ADCY3: variants seen among roughly 807,000 people sequenced by gnomAD.
ADCY3 encodes the protein adenylate cyclase type 3.
ADCY3 carries 70 observed loss-of-function variants against 119.4 expected under a neutral mutation model. The observed-to-expected ratio is 0.59, with a 90% CI of 0.48 to 0.72. The LOEUF (loss-of-function observed/expected upper bound fraction) is 0.72. Among genes scored for constraint, ADCY3 ranks in the 30% least tolerant of loss-of-function variants. The pLI, the probability that ADCY3 is intolerant of heterozygous loss-of-function variation, is 0.00. For missense variants in ADCY3, 1,238 were observed against 1,541.6 expected, an observed-to-expected ratio of 0.80 and a Z score of 3.30; for synonymous variants, 672 against 621.4, an observed-to-expected ratio of 1.08 and a Z score of -1.21.
At chr2:24,914,448 G>A (rs912498896) in intron 2 of ADCY3, among the ~76,000 whole-genome samples, 5 of 152,134 alleles carry the variant, frequency 3.3e-5, no homozygotes, top group African/African-American at 9.7e-5. Flanking sequence ...TAAGGCAGGC[G>A]GATTATCTGA....
chr2:24,846,108 C>T (rs769469654), intron 3 of ADCY3, among the ~76,000 whole-genome samples: 12 of 152,230 alleles, frequency 7.9e-5, no homozygotes, highest in Non-Finnish European at 1.6e-4. Context: ...TCATGGAGAA[C>T]CCCTGCTAGG....
chr2:24,893,597 C>A (rs1415441829), intron 2 of ADCY3, among the ~76,000 whole-genome samples: 1 of 130,582 alleles, frequency 7.7e-6, no homozygotes, highest in Non-Finnish European at 1.5e-5. Context: ...CTGCACAATA[C>A]CTGTCTTTTT....
intron 13 of ADCY3, 69 bp downstream of exon 13, chr2:24,830,640 T>C: frequency 8.0e-7 from 1 of 1,254,642 alleles, no homozygotes; most frequent in East Asian, 2.4e-5. Flanking sequence ...ACTGCTTGTG[T>C]GACCCAAACA....
chr2:24,830,868 C>A (rs1669394494), intron 12 of ADCY3, 43 bp from the exon 13 acceptor site: 1 of 1,508,718 alleles, frequency 6.6e-7, no homozygotes, highest in Admixed American at 1.7e-5. Context: ...CTTTGCCAGT[C>A]CTTTCTCCTG....
chr2:24,841,189 C>A lies in ADCY3; in HGVS notation c.1196+70G>T. 1 of 1,476,100 alleles carries A rather than the reference C, an allele frequency of 6.8e-7. No homozygotes were observed. The highest frequency in any genetic ancestry group is 9.0e-7 in the Non-Finnish European group (1 of 1,110,972). The allele number at this position is 1,476,100 out of a possible 1,614,324, so 91.4% of individuals were successfully genotyped here. A position where few individuals can be genotyped will look rare whatever the true frequency, so the allele number is the denominator to read the frequency against. ...AGGGGCCATGGCCAGCGCGGAAGAC[C>A]TGCTTCTCCCTGGGTCCAGGGCCGG... On this transcript the variant is annotated intron_variant, in intron 6 of 21. Transcript: ENST00000679454. This position sits in a 1 kb window ranked among gnomAD's most constrained non-coding sequence, Gnocchi z 5.8.
chr2:24,836,029 C>G (rs1670285767), intron 9 of ADCY3, among the ~76,000 whole-genome samples: 1 of 152,046 alleles, frequency 6.6e-6, no homozygotes, highest in Non-Finnish European at 1.5e-5. Context: ...CCAGCCACAT[C>G]TTCCCCTTCT....
chr2:24,839,746 C>T (rs1670772225), intron 7 of ADCY3, 127 bp downstream of exon 7: 1 of 1,347,868 alleles, frequency 7.4e-7, no homozygotes, highest in Non-Finnish European at 1.0e-6. Context: ...AGGAGGAATG[C>T]TGTTCCGGGG....
intron 3 of ADCY3, among the ~76,000 whole-genome samples, chr2:24,856,219 G>A (rs1672982667): frequency 6.6e-6 from 1 of 152,174 alleles, no homozygotes; most frequent in Non-Finnish European, 1.5e-5. Flanking sequence ...GCTTGCACAT[G>A]TACACACATG....
In ADCY3 at chr2:24,824,085, C is replaced by A. The variant is rs79719175; in HGVS notation, c.2736+293G>T. ...GGGTACCGTAGAGCTGGGAACCACT[C>A]TGTTTGGAGAAGTTCACAGGCAACA... On this transcript the variant is annotated intron_variant, in intron 17 of 21. Transcript: ENST00000679454. Among the ~76,000 whole-genome samples the A allele has an allele frequency of 5.7e-3, 875 of 152,374 alleles. 3 individuals carry two copies. Among genetic ancestry groups the A allele is most frequent in the East Asian group, 0.013 (68 of 5,186 alleles).
chr2:24,873,603 C>A (rs919308332), intron 2 of ADCY3, among the ~76,000 whole-genome samples: 3 of 152,242 alleles, frequency 2.0e-5, no homozygotes, highest in Non-Finnish European at 4.4e-5. Flanking sequence ...ACATCCCAAC[C>A]CTGCCTGGCG....
Position 24,918,201 on chromosome 2 carries a change from C to G in ADCY3, c.675+112G>C. On this transcript the variant is annotated intron_variant, in intron 2 of 21. Transcript: ENST00000679454. This position sits in a 1 kb window ranked among gnomAD's most constrained non-coding sequence, Gnocchi z 5.4. ...GGGAGAGAGGTGAGAGCCCCGGAGG[C>G]CCCCAGGACACATTTTGACTCAAAG... The G allele has an allele frequency of 8.3e-7, 1 of 1,211,262 alleles. No homozygotes were observed. The highest frequency in any genetic ancestry group is 1.1e-6 in the Non-Finnish European group (1 of 870,152). The allele number at this position is 1,211,262 out of a possible 1,614,324, so 75.0% of individuals were successfully genotyped here.
In ADCY3 at chr2:24,842,287, T is replaced by C. The variant is rs1188653465; in HGVS notation, c.923A>G (p.Asn308Ser). Residue 308 changes from asparagine (N) to serine (S), a missense_variant, in exon 4 of 22, where the codon AAC becomes AGC. By Grantham distance (46) the Asn-to-Ser change is conservative (BLOSUM62 1). Around this residue, in one of 7 missense-constraint regions of ADCY3, gnomAD observed 283 missense variants for 437.2 expected, o/e 0.65. Coordinates refer to ENST00000679454, the MANE Select transcript of ADCY3 (RefSeq NM_004036.5). The surrounding 1 kb of genome is among the most constrained non-coding windows in gnomAD (Gnocchi z 4.9). Reference sequence around the variant, plus strand: ...CTCGTGACGGTACATGTACATGGTGTTGAACTGCTGCTGGTCCTTCTGGCT... The same window carrying C: ...CTCGTGACGGTACATGTACATGGTGCTGAACTGCTGCTGGTCCTTCTGGCT... Reference protein sequence around the residue: ...DESQKDQQQFNTMYMYRHENV... With the variant: ...DESQKDQQQFSTMYMYRHENV... 3.1e-6 allele frequency: 5 copies of C among 1,614,158 alleles called. No homozygotes were observed. The highest frequency in any genetic ancestry group is 1.7e-5 in the Admixed American group (1 of 60,028).
chr2:24,830,888 T>A, intron 12 of ADCY3, 63 bp from the exon 13 acceptor site: 1 of 1,296,802 alleles, frequency 7.7e-7, no homozygotes, highest in Non-Finnish European at 1.1e-6. Flanking sequence ...GCGACGTGAC[T>A]GACAGCAACT....
In ADCY3 at chr2:24,841,296, A is replaced by T; in HGVS notation, c.1159T>A (p.Ser387Thr). The change falls in exon 6 of 22, where the codon TCC (serine) becomes ACC (threonine). Residue 387 changes from serine (S) to threonine (T), a missense_variant. This residue lies in a region of ADCY3 where 283 missense variants were observed against 437.2 expected (regional missense o/e 0.65). Coordinates refer to ENST00000679454, the MANE Select transcript of ADCY3 (RefSeq NM_004036.5). This position sits in a 1 kb window ranked among gnomAD's most constrained non-coding sequence, Gnocchi z 5.8. ...PDYREDHAVC[S>T]ILMGLAMVEA... ...ACCATGGCCAGCCCCATGAGGATGG[A>T]GCAGACGGCGTGGTCCTCCCGGTAG... 6.4e-7 allele frequency: 1 copy of T among 1,573,086 alleles called. No individual in the cohort carries two copies. The highest frequency in any genetic ancestry group is 8.6e-7 in the Non-Finnish European group (1 of 1,159,600).
chr2:24,900,858 A>C (rs1321576475), intron 2 of ADCY3, among the ~76,000 whole-genome samples: 1 of 152,162 alleles, frequency 6.6e-6, no homozygotes, highest in African/African-American at 2.4e-5. Context: ...TGAGGTCAGG[A>C]GTTCAAGACC....
At chr2:24,893,234 G>C (rs1677907041) in intron 2 of ADCY3, among the ~76,000 whole-genome samples, 1 of 152,144 alleles carries the variant, frequency 6.6e-6, no homozygotes, top group African/African-American at 2.4e-5. Flanking sequence ...GGACAGATGT[G>C]GTGGCTCATG....
At chr2:24,861,861 G>A (rs1042209315) in intron 3 of ADCY3, among the ~76,000 whole-genome samples, 7 of 152,210 alleles carry the variant, frequency 4.6e-5, no homozygotes, top group Non-Finnish European at 7.3e-5. Flanking sequence ...CCAGCGTGAC[G>A]GCATCTTGGA....
At chr2:24,855,939 C>T (rs1373064352) in intron 3 of ADCY3, among the ~76,000 whole-genome samples, 14 of 152,188 alleles carry the variant, frequency 9.2e-5, no homozygotes, top group Non-Finnish European at 2.1e-4. Context: ...TTCGCACTGG[C>T]TCAGGACAGA....
At chr2:24,828,810 C>T (rs1366143875) in intron 13 of ADCY3, among the ~76,000 whole-genome samples, 1 of 152,196 alleles carries the variant, frequency 6.6e-6, no homozygotes, top group African/African-American at 2.4e-5. Flanking sequence ...TTTTACCCCT[C>T]CATGAGTGAC....
Sources: gnomAD v4.1 joint callset for allele counts (sites outside exome capture counted in the v4.1 genomes callset) on GRCh38, gnomAD v4.1.1 for gene constraint, gnomAD v4.1.1 regional missense constraint, Gnocchi (gnomAD v3.1) non-coding constraint, MANE v1.5 for transcripts, NCBI Gene and HGNC (gene_info 2026-07-23, HGNC 2026-07-21) for gene names.